The following LONP2 variants were observed in gnomAD, a reference collection of about 807,000 sequenced individuals.
The protein encoded by LONP2 is lon protease homolog 2, peroxisomal.
In LONP2, 60 loss-of-function variants were observed where a neutral mutation model predicts 85.6. The observed-to-expected ratio is 0.70, with a 90% CI of 0.57 to 0.87. LONP2 has a LOEUF of 0.87. Among genes scored for constraint, LONP2 ranks in the 40% least tolerant of loss-of-function variants. LONP2 has a pLI of 0.00. For missense variants in LONP2, 860 were observed against 1,063.5 expected (o/e 0.81, Z 2.66); for synonymous variants, 395 against 389.7 (o/e 1.01, Z -0.16).
intron 2 of LONP2, among the ~76,000 whole-genome samples, chr16:48,252,609 A>G (rs192504833): frequency 2.0e-5 from 3 of 152,212 alleles, no homozygotes; most frequent in East Asian, 1.9e-4. Flanking sequence ...TCTAACTTCT[A>G]CTGTCTCTAA....
At chr16:48,342,176 TCA>T (rs1271815997) in intron 12 of LONP2, among the ~76,000 whole-genome samples, 2 of 152,162 alleles carry the variant, frequency 1.3e-5, no homozygotes, top group East Asian at 1.9e-4. Flanking sequence ...TATAAAAGCC[TCA>T]GTGTTGGCTT....
intron 11 of LONP2, among the ~76,000 whole-genome samples, chr16:48,323,241 T>G (rs887074495): frequency 2.6e-5 from 4 of 152,230 alleles, no homozygotes; most frequent in African/African-American, 9.6e-5. Flanking sequence ...TTATAGTAAA[T>G]GGACATGAAA....
At chr16:48,333,708 G>C (rs942399725) in intron 11 of LONP2, among the ~76,000 whole-genome samples, 3 of 151,664 alleles carry the variant, frequency 2.0e-5, no homozygotes, top group African/African-American at 7.3e-5. Flanking sequence ...GAAGAGGAGG[G>C]GAGGGGAGGG....
chr16:48,277,705 G>A (rs1167546990), intron 8 of LONP2, among the ~76,000 whole-genome samples: 1 of 151,352 alleles, frequency 6.6e-6, no homozygotes, highest in Non-Finnish European at 1.5e-5. Flanking sequence ...TAATCAGATA[G>A]TTTAACAAAG....
chr16:48,259,716 A>G (rs1479649061), intron 4 of LONP2, among the ~76,000 whole-genome samples: 4 of 152,170 alleles, frequency 2.6e-5, no homozygotes, highest in Non-Finnish European at 4.4e-5. Flanking sequence ...AGAGATAGGA[A>G]CAGTGATGAT....
At chr16:48,305,780 T>C (rs1301824594) in intron 11 of LONP2, among the ~76,000 whole-genome samples, 5 of 152,220 alleles carry the variant, frequency 3.3e-5, no homozygotes, top group African/African-American at 7.2e-5. Context: ...CATGTACTTT[T>C]TGTTTCCCAA....
intron 12 of LONP2, chr16:48,346,015 G>GC (rs924313702): frequency 6.9e-6 from 1 of 144,614 alleles, no homozygotes; most frequent in African/African-American, 2.6e-5. Context: ...TTGCACTCCA[G>GC]CCCAGGCGAC....
chr16:48,345,632 G>C (rs1479905247), intron 12 of LONP2: 1 of 152,244 alleles, frequency 6.6e-6, no homozygotes, highest in Non-Finnish European at 1.5e-5. Flanking sequence ...AAAGCTCGAG[G>C]AAAGTGTGAC....
Position 48,354,790 on chromosome 16 carries a change from G to C in LONP2, c.*2988G>C, listed in dbSNP as rs1313830864. ...GGCCACTCTTTTTCTTCAAAATAAT[G>C]GGGTGCAGAAGGGTAGGGATGAACC... On this transcript the variant is annotated 3_prime_UTR_variant, in exon 15 of 15. Transcript: ENST00000285737. 1 of 152,152 alleles carries C rather than the reference G, an allele frequency of 6.6e-6. No individual in the cohort carries two copies. Among genetic ancestry groups the C allele is most frequent in the Non-Finnish European group, 1.5e-5 (1 of 68,028 alleles). The allele number at this position is 152,152 out of a possible 1,614,324, so 9.4% of individuals were successfully genotyped here.
chr16:48,245,976 T>A (rs1971358961), intron 1 of LONP2, among the ~76,000 whole-genome samples: 1 of 152,174 alleles, frequency 6.6e-6, no homozygotes, highest in Admixed American at 6.6e-5. Context: ...ATTTTTAAAT[T>A]AGGGGTTCCT....
chr16:48,312,001 C>A (rs1973041825), intron 11 of LONP2, among the ~76,000 whole-genome samples: 1 of 151,850 alleles, frequency 6.6e-6, no homozygotes, highest in Admixed American at 6.6e-5. Context: ...AGTGCAGTGG[C>A]ACGATCTCGG....
At chr16:48,332,782 C>T (rs931019163) in intron 11 of LONP2, among the ~76,000 whole-genome samples, 2 of 151,240 alleles carry the variant, frequency 1.3e-5, no homozygotes, top group Non-Finnish European at 2.9e-5. Flanking sequence ...GTGTTGTGCA[C>T]CAGTAATCCC....
chr16:48,293,976 G>T (rs1567327171), intron 8 of LONP2, among the ~76,000 whole-genome samples: 1 of 152,116 alleles, frequency 6.6e-6, no homozygotes, highest in Non-Finnish European at 1.5e-5. Flanking sequence ...TCACTCTGTC[G>T]CCCACGCTGG....
At chr16:48,285,029 C>G (rs1972409204) in intron 8 of LONP2, among the ~76,000 whole-genome samples, 1 of 152,114 alleles carries the variant, frequency 6.6e-6, no homozygotes, top group South Asian at 2.1e-4. Flanking sequence ...TATTTCTTGT[C>G]TCATCTCCTG....
chr16:48,329,255 T>C (rs2151021156), intron 11 of LONP2, among the ~76,000 whole-genome samples: 1 of 152,314 alleles, frequency 6.6e-6, no homozygotes, highest in Admixed American at 6.5e-5. Context: ...AATAATCCAC[T>C]CGTAAGTTTT....
At chr16:48,277,676 T>A (rs1021248038) in intron 8 of LONP2, among the ~76,000 whole-genome samples, 197 bp downstream of exon 8, 3 of 152,158 alleles carry the variant, frequency 2.0e-5, no homozygotes, top group Non-Finnish European at 2.9e-5. Flanking sequence ...CCCTTTTTTT[T>A]TATTTTCCTT....
rs1014440049 is a variant in LONP2, at chr16:48,264,315, G to C, written c.982+1443G>C. 4.6e-5 allele frequency among the ~76,000 whole-genome samples: 7 copies of C among 152,250 alleles called. No homozygotes were observed. The South Asian group carries it at 1.2e-3, about 27-fold the overall frequency. On this transcript the variant is annotated intron_variant, in intron 6 of 14. Transcript: ENST00000285737. The stretch of plus-strand genomic sequence containing the variant: ...ACCATAAGAGACAGGTACGCCCCGG[G>C]GGGGCCAGTTCAGAGACCTACCCCT...
In LONP2 at chr16:48,314,153, GT is replaced by G. The variant is rs928880423; in HGVS notation, c.1795+10859del. 7.2e-4 allele frequency among the ~76,000 whole-genome samples: 104 copies of G among 144,884 alleles called. 4 individuals carry two copies. The East Asian group carries it at 0.015, about 20-fold the overall frequency. ...CCCTTGCCCACTTTTTAATGGGGTT[GT>G]TTTTTTTTTTCCTTGTAAATTTGTG... is the stretch of plus-strand genomic sequence containing the variant. On this transcript the variant is annotated intron_variant, in intron 11 of 14. Coordinates refer to ENST00000285737, the MANE Select transcript of LONP2 (RefSeq NM_031490.5).
At chr16:48,273,918 G>A (rs118105812) in intron 7 of LONP2, among the ~76,000 whole-genome samples, 2,382 of 152,230 alleles carry the variant, frequency 0.016, 226 homozygotes, top group Admixed American at 0.14. Context: ...GAAGAAAAAT[G>A]AACTTGTGAT....
Sources: gnomAD v4.1 joint callset for allele counts (sites outside exome capture counted in the v4.1 genomes callset) on GRCh38, gnomAD v4.1.1 for gene constraint, MANE v1.5 for transcripts, NCBI Gene and HGNC (gene_info 2026-07-23, HGNC 2026-07-21) for gene names.